The following ZBTB49 variants were observed in gnomAD, a reference collection of about 807,000 sequenced individuals.
ZBTB49 encodes zinc finger and BTB domain containing 49.
Under a neutral mutation model 57.5 loss-of-function variants are expected in ZBTB49, and 43 were observed. The ratio of observed to expected loss-of-function variants is 0.75; its 90% CI spans 0.59 to 0.97. The LOEUF (loss-of-function observed/expected upper bound fraction) is 0.97. Among genes scored for constraint, ZBTB49 ranks in the 50% least tolerant of loss-of-function variants. The probability of loss-of-function intolerance (pLI) is 0.00; values close to 1 mark genes in which losing one functional copy is unlikely to be tolerated. For synonymous variants in ZBTB49, 369 were observed against 362.1 expected (o/e 1.02, Z -0.22); for missense variants, 938 against 947.7 (o/e 0.99, Z 0.13).
At chr4:4,306,809 C>A (rs187104934) in intron 4 of ZBTB49, among the ~76,000 whole-genome samples, 7 of 152,336 alleles carry the variant, frequency 4.6e-5, no homozygotes, top group East Asian at 1.9e-4. Context: ...GGTAACTATT[C>A]ACCGCCATGT....
At chr4:4,307,348 C>T (rs1042949351) in intron 4 of ZBTB49, among the ~76,000 whole-genome samples, 1 of 152,208 alleles carries the variant, frequency 6.6e-6, no homozygotes, top group African/African-American at 2.4e-5. Flanking sequence ...CCGCTTCTTC[C>T]TGCCAGCCTG....
intron 2 of ZBTB49, 123 bp from the exon 3 acceptor site, chr4:4,301,866 T>G (rs962465201): frequency 6.0e-6 from 6 of 999,986 alleles, no homozygotes; most frequent in African/African-American, 1.7e-5. Flanking sequence ...AATGTACTTA[T>G]GTTAAAAGTT....
rs1182118135 is a variant in ZBTB49 at position 4,302,176 on chromosome 4, C to G, written c.340C>G (p.His114Asp). 1 of 1,614,220 alleles carries G rather than the reference C, an allele frequency of 6.2e-7. No individual in the cohort carries two copies. The highest frequency in any genetic ancestry group is 1.3e-5 in the African/African-American group (1 of 75,058). Reference sequence around the variant, plus strand: ...AGTTCAAAATGTTCTGAGTCTGTGTCACACATTTTTAAAATCAGCCACTGT... The same window carrying G: ...AGTTCAAAATGTTCTGAGTCTGTGTGACACATTTTTAAAATCAGCCACTGT... Reference protein sequence around the residue: ...LQVQNVLSLCHTFLKSATVVQ... With the variant: ...LQVQNVLSLCDTFLKSATVVQ... Residue 114 changes from histidine to aspartate, a missense_variant, in exon 3 of 8, where the codon CAC becomes GAC. This residue lies in a region of ZBTB49 where 835 missense variants were observed against 819.1 expected (regional missense o/e 1.02). Transcript: ENST00000337872.
intron 7 of ZBTB49, among the ~76,000 whole-genome samples, chr4:4,318,201 C>G (rs1269577854): frequency 6.6e-6 from 1 of 152,222 alleles, no homozygotes; most frequent in Non-Finnish European, 1.5e-5. Context: ...ATTCCTCTTT[C>G]TTGGTGGAAA....
In ZBTB49 at chr4:4,302,709, CG is replaced by C; in HGVS notation, c.874del (p.Ala292ProfsTer10). 6.2e-7 allele frequency: 1 copy of C among 1,613,034 alleles called. No homozygotes were observed. Among genetic ancestry groups the C allele is most frequent in the Non-Finnish European group, 8.5e-7 (1 of 1,179,530 alleles). ...NDSAPHPESD[A>X]TCQQPVKQMR... ...ACTCTGCCCCACACCCTGAGTCAGA[CG>C]CCACATGCCAACAACCTGTCAAGCA... On this transcript the variant is annotated frameshift_variant, in exon 3 of 8. Coordinates refer to ENST00000337872, the MANE Select transcript of ZBTB49 (RefSeq NM_145291.4). LOFTEE classifies it high-confidence loss of function.
At position 4,302,901 on chromosome 4, in the gene ZBTB49, A is replaced by C; in HGVS notation, c.1065A>C (p.Glu355Asp). 2 of 1,614,214 alleles carry C rather than the reference A, an allele frequency of 1.2e-6. No homozygotes were observed. Among genetic ancestry groups the C allele is most frequent in the Non-Finnish European group, 1.7e-6 (2 of 1,180,030 alleles). Residue 355 changes from glutamate (E) to aspartate (D), a missense_variant, in exon 3 of 8, where the codon GAA (glutamate) becomes GAC (aspartate). Glu to Asp is a conservative substitution (Grantham distance 45, BLOSUM62 2). Around this residue, in one of 3 missense-constraint regions of ZBTB49, gnomAD observed 835 missense variants for 819.1 expected, o/e 1.02. Transcript: ENST00000337872. ...LEKASSQSAE[E>D]KESEEVVSCE... Reference sequence around the variant, plus strand: ...AAGCTAGCAGCCAAAGTGCTGAAGAAAAAGAAAGTGAAGAAGTCGTCAGTT... The same window carrying C: ...AAGCTAGCAGCCAAAGTGCTGAAGACAAAGAAAGTGAAGAAGTCGTCAGTT...
chr4:4,310,996 G>T (rs1374276197), intron 4 of ZBTB49, among the ~76,000 whole-genome samples: 1 of 152,144 alleles, frequency 6.6e-6, no homozygotes, highest in Non-Finnish European at 1.5e-5. Flanking sequence ...TTATCTGAAT[G>T]TACTATTGGA....
At chr4:4,299,809 GTGAGAGAGAAAC>G in intron 1 of ZBTB49, 106 bp from the exon 2 acceptor site, 8 of 769,262 alleles carry the variant, frequency 1.0e-5, no homozygotes, top group Non-Finnish European at 1.6e-5. Flanking sequence ...GTGTGTGTGT[GTGAGAGAGAAAC>G]TGTGATGAGA....
intron 3 of ZBTB49, among the ~76,000 whole-genome samples, chr4:4,303,770 G>GTGTGTCTC (rs377326067): frequency 2.4e-4 from 6 of 25,262 alleles, no homozygotes; most frequent in Non-Finnish European, 6.2e-4. Flanking sequence ...CTGTGTGTGT[G>GTGTGTCTC]TCTCTCTCTC....
Position 4,321,194 on chromosome 4 carries a change from C to G in ZBTB49, c.2176C>G (p.Pro726Ala). Residue 726 changes from proline (P) to alanine (A), a missense_variant, in exon 8 of 8, where the codon CCC (proline) becomes GCC (alanine). Transcript: ENST00000337872. ...TGCTTTGGACAACCACGGCGGTGAC[C>G]CCCTGGGCAGTCGAGCATCTTCCAC... ...LAALDNHGGD[P>A]LGSRASSTTY... is the part of the protein sequence containing the mutation. The G allele has an allele frequency of 6.2e-7, 1 of 1,614,144 alleles. No individual in the cohort carries two copies. Among genetic ancestry groups the G allele is most frequent in the Non-Finnish European group, 8.5e-7 (1 of 1,180,024 alleles).
chr4:4,315,066 G>A (rs1414504270), intron 5 of ZBTB49, among the ~76,000 whole-genome samples: 1 of 152,230 alleles, frequency 6.6e-6, no homozygotes, highest in Non-Finnish European at 1.5e-5. Context: ...GATATTCACA[G>A]TGGAGGGTGA....
chr4:4,308,751 G>C (rs1362488685), intron 4 of ZBTB49, among the ~76,000 whole-genome samples: 2 of 152,232 alleles, frequency 1.3e-5, no homozygotes, highest in African/African-American at 4.8e-5. Flanking sequence ...TTGTTTAGAG[G>C]AAGCAACAGA....
At chr4:4,318,713 T>G (rs1041837189) in intron 7 of ZBTB49, among the ~76,000 whole-genome samples, 3 of 152,138 alleles carry the variant, frequency 2.0e-5, no homozygotes, top group African/African-American at 7.2e-5. Context: ...TTCACAAAAT[T>G]CCGCATGTCT....
At position 4,302,935 on chromosome 4, in the gene ZBTB49, T is replaced by C. The variant is rs1201219160; in HGVS notation, c.1099T>C (p.Phe367Leu). 6.2e-7 allele frequency: 1 copy of C among 1,614,182 alleles called. No homozygotes were observed. Among genetic ancestry groups the C allele is most frequent in the Admixed American group, 1.7e-5 (1 of 60,016 alleles). ...ESEEVVSCENFNCISETERPE... is the reference protein window; with the variant it reads ...ESEEVVSCENLNCISETERPE... ...TGAAGAAGTCGTCAGTTGTGAGAAT[T>C]TTAATTGCATTAGTGAGACGGAGAG... Residue 367 changes from phenylalanine (F) to leucine (L), a missense_variant, in exon 3 of 8, where the codon TTT becomes CTT. Phe to Leu is a conservative substitution (Grantham distance 22, BLOSUM62 0). This residue lies in a region of ZBTB49 where 835 missense variants were observed against 819.1 expected (regional missense o/e 1.02). Transcript: ENST00000337872.
intron 1 of ZBTB49, among the ~76,000 whole-genome samples, chr4:4,295,418 C>A (rs1342964599): frequency 6.6e-6 from 1 of 152,220 alleles, no homozygotes; most frequent in Non-Finnish European, 1.5e-5. Context: ...CACCTCCCAA[C>A]AGGTCCCTCC....
intron 4 of ZBTB49, among the ~76,000 whole-genome samples, chr4:4,307,973 G>T (rs1284866878): frequency 6.6e-6 from 1 of 152,178 alleles, no homozygotes; most frequent in Non-Finnish European, 1.5e-5. Flanking sequence ...ATTCAGTCAG[G>T]CTGCAGTCCA....
At chr4:4,298,067 T>TA (rs1272845505) in intron 1 of ZBTB49, among the ~76,000 whole-genome samples, 1 of 152,212 alleles carries the variant, frequency 6.6e-6, no homozygotes, top group Non-Finnish European at 1.5e-5. Context: ...ACAGAATCCT[T>TA]CCATATGCCA....
At chr4:4,303,760 C>CTCTCTCTCTCTGTGTG (rs1223289249) in intron 3 of ZBTB49, among the ~76,000 whole-genome samples, 16 of 121,376 alleles carry the variant, frequency 1.3e-4, no homozygotes, top group South Asian at 2.7e-4. Flanking sequence ...CTCTCTCTCT[C>CTCTCTCTCTCTGTGTG]TGTGTGTGTG....
At position 4,302,500 on chromosome 4, in the gene ZBTB49, A is replaced by C; in HGVS notation, c.664A>C (p.Lys222Gln). Reference protein sequence around the residue: ...YYYKLRNFYSKQYHKHAAGPS... With the variant: ...YYYKLRNFYSQQYHKHAAGPS... ...TTACAAACTCAGAAACTTTTACAGT[A>C]AGCAGTACCATAAACACGCAGCTGG... Residue 222 changes from lysine to glutamine, a missense_variant, in exon 3 of 8, where the codon AAG becomes CAG. By Grantham distance (53) the Lys-to-Gln change is moderately conservative. Transcript: ENST00000337872. 6.2e-7 allele frequency: 1 copy of C among 1,614,164 alleles called. No individual in the cohort carries two copies.
Sources: gnomAD v4.1 joint callset for allele counts (sites outside exome capture counted in the v4.1 genomes callset) on GRCh38, gnomAD v4.1.1 for gene constraint, gnomAD v4.1.1 regional missense constraint, MANE v1.5 for transcripts, NCBI Gene and HGNC (gene_info 2026-07-23, HGNC 2026-07-21) for gene names.